RIMS2: variants seen among roughly 807,000 people sequenced by gnomAD.
RIMS2 encodes regulating synaptic membrane exocytosis protein 2.
Under a neutral mutation model 174.4 loss-of-function variants are expected in RIMS2, and 59 were observed. The observed-to-expected ratio is 0.34, with a 90% CI of 0.27 to 0.42. RIMS2 has a LOEUF of 0.42. Ranked by LOEUF, RIMS2 falls within the 10% of genes least tolerant of loss-of-function variation. The pLI is 1.00. For missense variants in RIMS2, 1,620 were observed against 1,666.3 expected (o/e 0.97, Z 0.48); for synonymous variants, 606 against 572.5 (o/e 1.06, Z -0.84).
chr8:104,042,217 A>G (rs1242644723), intron 19 of RIMS2, among the ~76,000 whole-genome samples: 1 of 151,544 alleles, frequency 6.6e-6, no homozygotes, highest in Non-Finnish European at 1.5e-5. Flanking sequence ...AATTTAGTTG[A>G]ATATTAAACG....
At chr8:103,889,187 A>G (rs1210091203) in intron 4 of RIMS2, among the ~76,000 whole-genome samples, 1 of 151,786 alleles carries the variant, frequency 6.6e-6, no homozygotes, top group African/African-American at 2.4e-5. Flanking sequence ...TAGTTAACTA[A>G]TGTTAGAAAA....
chr8:103,922,707 A>T, intron 10 of RIMS2: 2 of 351,924 alleles, frequency 5.7e-6, no homozygotes, highest in Non-Finnish European at 1.2e-5. Flanking sequence ...GCTTTTTGTT[A>T]AATTAGCTAT....
chr8:104,101,290 C>T (rs1334398972), intron 19 of RIMS2, among the ~76,000 whole-genome samples: 2 of 151,504 alleles, frequency 1.3e-5, no homozygotes, highest in Non-Finnish European at 2.9e-5. Flanking sequence ...CCATGCCCAG[C>T]CAATTTTTAT....
At chr8:103,889,274 A>C (rs1334876233) in intron 4 of RIMS2, among the ~76,000 whole-genome samples, 1 of 150,538 alleles carries the variant, frequency 6.6e-6, no homozygotes, top group Non-Finnish European at 1.5e-5. Context: ...GAGTGACATC[A>C]TTCTGAGAAC....
intron 3 of RIMS2, among the ~76,000 whole-genome samples, chr8:103,786,483 T>C (rs1025428954): frequency 4.6e-5 from 7 of 152,134 alleles, no homozygotes; most frequent in Non-Finnish European, 1.0e-4. Context: ...TTTGTTCTCG[T>C]TGGTTTCAAA....
chr8:103,630,709 G>A (rs1213038515), intron 1 of RIMS2, among the ~76,000 whole-genome samples: 1 of 151,260 alleles, frequency 6.6e-6, no homozygotes, highest in Non-Finnish European at 1.5e-5. Flanking sequence ...TATGAAAAGA[G>A]ATGTGCCAAA....
chr8:104,212,961 A>G (rs1007488190), intron 19 of RIMS2, among the ~76,000 whole-genome samples: 1 of 152,072 alleles, frequency 6.6e-6, no homozygotes, highest in Non-Finnish European at 1.5e-5. Context: ...TCTTTAACTC[A>G]ATTTTTTCTT....
intron 1 of RIMS2, among the ~76,000 whole-genome samples, chr8:103,542,651 C>T (rs982215467): frequency 6.6e-6 from 1 of 152,084 alleles, no homozygotes; most frequent in Admixed American, 6.5e-5. Context: ...GAATTCAACA[C>T]CATATTAAAT....
chr8:103,790,270 T>C (rs371891554), intron 3 of RIMS2, among the ~76,000 whole-genome samples: 1 of 152,212 alleles, frequency 6.6e-6, no homozygotes, highest in East Asian at 1.9e-4. Context: ...TTCTTCTCTT[T>C]CCTCAGTCCT....
chr8:104,121,985 A>G (rs2098382083), intron 19 of RIMS2, among the ~76,000 whole-genome samples: 1 of 152,076 alleles, frequency 6.6e-6, no homozygotes, highest in Non-Finnish European at 1.5e-5. Flanking sequence ...AAATAAAATA[A>G]TATAATAGAA....
At chr8:103,613,314 T>TG (rs1403696106) in intron 1 of RIMS2, among the ~76,000 whole-genome samples, 3 of 152,222 alleles carry the variant, frequency 2.0e-5, no homozygotes, top group Admixed American at 2.0e-4. Context: ...TCTATCCCTG[T>TG]GGGCACACTA....
intron 19 of RIMS2, chr8:104,148,710 G>A (rs775858153): frequency 2.5e-6 from 4 of 1,598,388 alleles, no homozygotes; most frequent in Non-Finnish European, 3.4e-6. Context: ...GGAGAAGAAT[G>A]ATGGCAGCCA....
At chr8:104,040,363 C>T (rs573278910) in intron 19 of RIMS2, among the ~76,000 whole-genome samples, 24 of 151,700 alleles carry the variant, frequency 1.6e-4, no homozygotes, top group Admixed American at 9.9e-4. Flanking sequence ...CTGTGTCAAT[C>T]ATACTAGTAC....
chr8:103,662,712 A>ATCTG (rs1292402729), intron 1 of RIMS2, among the ~76,000 whole-genome samples: 1 of 149,538 alleles, frequency 6.7e-6, no homozygotes, highest in African/African-American at 2.4e-5. Flanking sequence ...CTATCTATCT[A>ATCTG]TCTATCTATA....
At chr8:104,024,376 A>G (rs2096197488) in intron 19 of RIMS2, among the ~76,000 whole-genome samples, 1 of 152,188 alleles carries the variant, frequency 6.6e-6, no homozygotes, top group East Asian at 1.9e-4. Flanking sequence ...TCCCTTATAG[A>G]TAAAGGAGGA....
intron 19 of RIMS2, among the ~76,000 whole-genome samples, chr8:104,091,382 CTTTTT>C (rs2097653839): frequency 6.6e-6 from 1 of 151,482 alleles, no homozygotes; most frequent in Non-Finnish European, 1.5e-5. Flanking sequence ...AGCTACTTTT[CTTTTT>C]TATTATAAAT....
chr8:104,038,551 A>G (rs916380171), intron 19 of RIMS2, among the ~76,000 whole-genome samples: 1 of 151,954 alleles, frequency 6.6e-6, no homozygotes, highest in Non-Finnish European at 1.5e-5. Flanking sequence ...AAAAAGTAGA[A>G]TATTTGACTG....
At chr8:104,043,598 G>A (rs1164185769) in intron 19 of RIMS2, among the ~76,000 whole-genome samples, 1 of 151,528 alleles carries the variant, frequency 6.6e-6, no homozygotes, top group Non-Finnish European at 1.5e-5. Flanking sequence ...TCATGAATTG[G>A]GAGATAAGGT....
At chr8:104,053,687 C>T (rs1370210812) in intron 19 of RIMS2, among the ~76,000 whole-genome samples, 1 of 152,036 alleles carries the variant, frequency 6.6e-6, no homozygotes, top group Non-Finnish European at 1.5e-5. Context: ...TTTCTAGTTA[C>T]AGATTGAAAA....
Sources: allele counts gnomAD v4.1 joint callset (sites outside exome capture counted in the v4.1 genomes callset), GRCh38; gene constraint gnomAD v4.1.1; transcripts MANE v1.5; gene names NCBI Gene and HGNC (gene_info 2026-07-23, HGNC 2026-07-21).